The following MSH3 variants were observed in gnomAD, a reference collection of about 807,000 sequenced individuals.
MSH3 encodes DNA mismatch repair protein Msh3.
MSH3 carries 106 observed loss-of-function variants against 123.3 expected under a neutral mutation model. The observed-to-expected ratio is 0.86, with a 90% confidence interval of 0.73 to 1.01. The LOEUF (loss-of-function observed/expected upper bound fraction) is 1.01. MSH3 is among the 50% of genes least tolerant of loss of function. The pLI is 0.00. For synonymous variants in MSH3, 515 were observed against 481.4 expected, an observed-to-expected ratio of 1.07 and a Z score of -0.91; for missense variants, 1,459 against 1,347.6, an observed-to-expected ratio of 1.08 and a Z score of -1.29.
chr5:80,842,429 CA>C (rs1745643193), intron 20 of MSH3, among the ~76,000 whole-genome samples: 1 of 152,028 alleles, frequency 6.6e-6, no homozygotes, highest in Admixed American at 6.6e-5. Flanking sequence ...TACTTTTTTC[CA>C]ATTCTGTGAA....
intron 22 of MSH3, among the ~76,000 whole-genome samples, chr5:80,866,443 T>G (rs1397168782): frequency 6.6e-6 from 1 of 152,198 alleles, no homozygotes; most frequent in Non-Finnish European, 1.5e-5. Flanking sequence ...CTAGCTGATT[T>G]TAATTTTTAT....
intron 19 of MSH3, among the ~76,000 whole-genome samples, chr5:80,794,185 A>G (rs987016501): frequency 1.3e-5 from 2 of 152,220 alleles, no homozygotes; most frequent in Non-Finnish European, 2.9e-5. Flanking sequence ...TATAATTGCA[A>G]GCTTTCTAAG....
chr5:80,720,537 C>T (rs1324828932), intron 8 of MSH3, among the ~76,000 whole-genome samples: 3 of 152,004 alleles, frequency 2.0e-5, no homozygotes, highest in Non-Finnish European at 2.9e-5. Flanking sequence ...TCTAGACTAT[C>T]GTTCATTCTG....
intron 10 of MSH3, among the ~76,000 whole-genome samples, chr5:80,741,243 T>C (rs372161621): frequency 2.6e-5 from 4 of 152,146 alleles, no homozygotes; most frequent in Non-Finnish European, 5.9e-5. Context: ...GTTTTTTTTT[T>C]GTTAGAGTAA....
At position 80,876,562 on chromosome 5, in the gene MSH3, G is replaced by A. The variant is rs997367369; in HGVS notation, c.*700G>A. 1 of 152,250 alleles carries A rather than the reference G, an allele frequency of 6.6e-6. No homozygotes were observed. The highest frequency in any genetic ancestry group is 2.4e-5 in the African/African-American group (1 of 41,242). 9.4% of individuals were successfully genotyped at this position (152,250 alleles called of 1,614,324 possible). On this transcript the variant is annotated 3_prime_UTR_variant, in exon 24 of 24. Coordinates refer to ENST00000265081, the MANE Select transcript of MSH3 (RefSeq NM_002439.5). ...GAGAATCTCTTGAACCTGGGAGGCG[G>A]AGGTTGCAATGAGCCGAGATCACGT... is the stretch of plus-strand genomic sequence containing the variant.
chr5:80,873,018 C>T (rs903543633), intron 22 of MSH3, 98 bp from the exon 23 acceptor site: 11 of 1,075,344 alleles, frequency 1.0e-5, no homozygotes, highest in African/African-American at 6.2e-5. Flanking sequence ...TCAGATTGTA[C>T]GATTTAATAA....
At chr5:80,656,125 AG>A (rs1749277497) in intron 1 of MSH3, among the ~76,000 whole-genome samples, 1 of 152,234 alleles carries the variant, frequency 6.6e-6, no homozygotes, top group Non-Finnish European at 1.5e-5. Context: ...TTATAATTAG[AG>A]AAAGCTGAAG....
chr5:80,654,700 G>C lies in MSH3; in HGVS notation c.-28G>C, dbSNP rs1040431421. The C allele has an allele frequency of 2.7e-5, 43 of 1,576,862 alleles. No homozygotes were observed. The highest frequency in any genetic ancestry group is 3.6e-5 in the Non-Finnish European group (42 of 1,164,366). ...GGGCTCGCGCTCCTCGCCAGGCCCT[G>C]CCGCCGGGCTGCCATCCTTGCCCTG... On this transcript the variant is annotated 5_prime_UTR_variant, in exon 1 of 24. Transcript: ENST00000265081.
chr5:80,664,829 T>C (rs1053406902), intron 2 of MSH3, among the ~76,000 whole-genome samples: 1 of 152,064 alleles, frequency 6.6e-6, no homozygotes, highest in Non-Finnish European at 1.5e-5. Context: ...GCTTTAGATA[T>C]CTCATTTGCA....
rs200589566 is a variant in MSH3, at chr5:80,782,362, T to C, written c.2435+3526T>C. On this transcript the variant is annotated intron_variant, in intron 17 of 23. Transcript: ENST00000265081. ...ACTGAACACATACAGGCTTTTTTTTTCCCCTTGTTATTATTTCTGAAACAG... is the reference window on the plus strand; with the variant it reads ...ACTGAACACATACAGGCTTTTTTTTCCCCCTTGTTATTATTTCTGAAACAG... 7.7e-5 allele frequency among the ~76,000 whole-genome samples: 11 copies of C among 143,392 alleles called. No individual in the cohort carries two copies. The South Asian group carries it at 1.1e-3, about 15-fold the overall frequency. 94.1% of individuals were successfully genotyped at this position (143,392 alleles called of 152,430 possible).
chr5:80,853,093 A>AT (rs147128346), intron 20 of MSH3, among the ~76,000 whole-genome samples: 64 of 152,246 alleles, frequency 4.2e-4, no homozygotes, highest in Middle Eastern at 3.4e-3. Context: ...TCTGAAAGAC[A>AT]TTATTGCTGC....
intron 8 of MSH3, among the ~76,000 whole-genome samples, chr5:80,705,264 G>T (rs200906073): frequency 6.6e-6 from 1 of 152,246 alleles, no homozygotes; most frequent in East Asian, 1.9e-4. Flanking sequence ...ACAATTTCCA[G>T]TTGAGGTTCT....
chr5:80,691,768 TG>T (rs1390310503), intron 8 of MSH3, among the ~76,000 whole-genome samples: 3 of 112,792 alleles, frequency 2.7e-5, no homozygotes, highest in African/African-American at 1.0e-4. Flanking sequence ...TATTTATATA[TG>T]TACATATATA....
chr5:80,864,227 A>G (rs910758316), intron 21 of MSH3, among the ~76,000 whole-genome samples: 1 of 152,180 alleles, frequency 6.6e-6, no homozygotes, highest in African/African-American at 2.4e-5. Flanking sequence ...GTAAGATAAA[A>G]AAATCAGAGT....
At chr5:80,806,154 A>G (rs954914186) in intron 19 of MSH3, among the ~76,000 whole-genome samples, 3 of 152,170 alleles carry the variant, frequency 2.0e-5, no homozygotes, top group African/African-American at 7.2e-5. Flanking sequence ...GCTGGAGTGC[A>G]ATGGCGCGAT....
intron 19 of MSH3, among the ~76,000 whole-genome samples, chr5:80,799,704 A>G (rs941058714): frequency 8.5e-5 from 13 of 152,200 alleles, no homozygotes; most frequent in African/African-American, 1.7e-4. Flanking sequence ...AGTAGTGACT[A>G]TGATTCCCTG....
chr5:80,740,258 G>C (rs1743586749), intron 10 of MSH3, among the ~76,000 whole-genome samples: 1 of 152,102 alleles, frequency 6.6e-6, no homozygotes, highest in African/African-American at 2.4e-5. Flanking sequence ...TAGATACTGA[G>C]ACAATAAGGA....
At chr5:80,696,278 G>A (rs1309577434) in intron 8 of MSH3, among the ~76,000 whole-genome samples, 3 of 152,154 alleles carry the variant, frequency 2.0e-5, no homozygotes, top group Non-Finnish European at 4.4e-5. Context: ...GCTACTGTAT[G>A]GCTGACACTG....
At chr5:80,794,418 A>G (rs771022657) in intron 19 of MSH3, among the ~76,000 whole-genome samples, 7 of 152,210 alleles carry the variant, frequency 4.6e-5, no homozygotes, top group Non-Finnish European at 7.3e-5. Flanking sequence ...CTAGGTTTTT[A>G]TAGGTCAAAG....
Sources: allele counts gnomAD v4.1 joint callset (sites outside exome capture counted in the v4.1 genomes callset), GRCh38; gene constraint gnomAD v4.1.1; transcripts MANE v1.5; gene names NCBI Gene and HGNC (gene_info 2026-07-23, HGNC 2026-07-21).